Variants in TBC1D22A observed in about 807,000 individuals in gnomAD.
TBC1D22A encodes putative GTPase activator.
TBC1D22A carries 38 observed loss-of-function variants against 60.2 expected under a neutral mutation model. That is an observed-to-expected ratio of 0.63 (90% CI 0.49 to 0.83). TBC1D22A has a LOEUF of 0.83. Among genes scored for constraint, TBC1D22A ranks in the 40% least tolerant of loss-of-function variants. The probability of loss-of-function intolerance (pLI) is 0.00; values close to 1 mark genes in which losing one functional copy is unlikely to be tolerated. For synonymous variants in TBC1D22A, 302 were observed against 281.7 expected, an observed-to-expected ratio of 1.07 and a Z score of -0.72; for missense variants, 628 against 701.0, an observed-to-expected ratio of 0.90 and a Z score of 1.18.
intron 4 of TBC1D22A, among the ~76,000 whole-genome samples, chr22:46,862,395 G>C (rs559276440): frequency 5.3e-5 from 8 of 152,254 alleles, no homozygotes; most frequent in African/African-American, 1.9e-4. Context: ...GTGCAGTTGG[G>C]AGTGAGATGA....
In TBC1D22A at chr22:47,009,488, TTTCATCACCATCATCAC is replaced by T. The variant is rs1331659430; in HGVS notation, c.1201+11780_1201+11796del. Reference sequence around the variant, plus strand: ...ACCATCGTCATCACTATCACCATCATTTCATCACCATCATCACCACCATCATCTTCACCATCACCATC... The same window carrying T: ...ACCATCGTCATCACTATCACCATCATCACCATCATCTTCACCATCACCATC... On this transcript the variant is annotated intron_variant, in intron 10 of 12. Transcript: ENST00000337137. This position sits in a 1 kb window ranked among gnomAD's most constrained non-coding sequence, Gnocchi z 5.8. 2.0e-5 allele frequency among the ~76,000 whole-genome samples: 3 copies of T among 150,198 alleles called. No individual in the cohort carries two copies. Among genetic ancestry groups the T allele is most frequent in the Non-Finnish European group, 3.0e-5 (2 of 67,604 alleles).
intron 10 of TBC1D22A, among the ~76,000 whole-genome samples, chr22:47,005,535 A>G (rs6009093): frequency 0.077 from 11,621 of 151,426 alleles, 1,076 homozygotes; most frequent in African/African-American, 0.22. Flanking sequence ...ACCTTCCCAT[A>G]TTCACACATA....
At chr22:47,096,697 C>T (rs953681421) in intron 11 of TBC1D22A, among the ~76,000 whole-genome samples, 2 of 152,144 alleles carry the variant, frequency 1.3e-5, no homozygotes, top group African/African-American at 2.4e-5. Context: ...TGGCGCATGC[C>T]TGTAAGCCCA....
At chr22:47,076,343 A>G (rs183364689) in intron 11 of TBC1D22A, among the ~76,000 whole-genome samples, 1,449 of 118,590 alleles carry the variant, frequency 0.012, 16 homozygotes, top group Middle Eastern at 0.022. Context: ...GTGTGTGTGT[A>G]TATATATATA....
At position 47,158,881 on chromosome 22, in the gene TBC1D22A, C is replaced by CCA. The variant is rs374655648; in HGVS notation, c.1426-14603_1426-14602dup. The stretch of plus-strand genomic sequence containing the variant: ...GGCAGGCGCAGGTCCCCTCCCCAGG[C>CCA]CACACACACACACACCACAGTTACC... On this transcript the variant is annotated intron_variant, in intron 12 of 12. Transcript: ENST00000337137. Among the ~76,000 whole-genome samples the CCA allele has an allele frequency of 1.4e-3, 209 of 151,480 alleles. 1 individual carries two copies. The highest frequency in any genetic ancestry group is 4.2e-3 in the African/African-American group (175 of 41,264).
chr22:46,771,468 C>T (rs1349809738), intron 1 of TBC1D22A, among the ~76,000 whole-genome samples: 1 of 152,094 alleles, frequency 6.6e-6, no homozygotes, highest in East Asian at 1.9e-4. Context: ...CTGAACAGTG[C>T]ACCCGAGCAG....
intron 4 of TBC1D22A, among the ~76,000 whole-genome samples, chr22:46,869,504 C>T (rs926548263): frequency 6.6e-6 from 1 of 152,168 alleles, no homozygotes; most frequent in South Asian, 2.1e-4. Flanking sequence ...TGGGTGGACT[C>T]GGTCTGGGGA....
intron 11 of TBC1D22A, among the ~76,000 whole-genome samples, chr22:47,038,340 T>G (rs1807720): frequency 0.6 from 90,692 of 152,014 alleles, 28,232 homozygotes; most frequent in Middle Eastern, 0.75. Flanking sequence ...GGACGGACGT[T>G]TCTGGAAAGG....
chr22:47,141,240 G>A (rs1404251238), intron 12 of TBC1D22A, among the ~76,000 whole-genome samples: 3 of 152,072 alleles, frequency 2.0e-5, no homozygotes, highest in Non-Finnish European at 2.9e-5. Context: ...ACCTCCTGCC[G>A]GGCCCCTCCC....
intron 7 of TBC1D22A, among the ~76,000 whole-genome samples, chr22:46,909,172 T>C (rs902969936): frequency 1.4e-4 from 22 of 152,170 alleles, no homozygotes; most frequent in East Asian, 5.8e-4. Context: ...TGAGTAGATA[T>C]AGCCTTGAGA....
chr22:47,052,080 G>T (rs570241848), intron 11 of TBC1D22A, among the ~76,000 whole-genome samples: 1 of 152,124 alleles, frequency 6.6e-6, no homozygotes, highest in South Asian at 2.1e-4. Flanking sequence ...TGGGCCTCCT[G>T]CCCCCAGCAA....
intron 9 of TBC1D22A, among the ~76,000 whole-genome samples, chr22:46,976,624 A>G (rs147296147): frequency 2.6e-5 from 4 of 151,240 alleles, no homozygotes; most frequent in Admixed American, 6.6e-5. Flanking sequence ...TCCTTTTCCT[A>G]CTCTTGGTCT....
At chr22:47,080,210 G>A (rs116250601) in intron 11 of TBC1D22A, among the ~76,000 whole-genome samples, 1,768 of 152,296 alleles carry the variant, frequency 0.012, 29 homozygotes, top group African/African-American at 0.041. Context: ...TTGATGGCAT[G>A]AAGAGACCAA....
chr22:47,039,918 C>T (rs374999332), intron 11 of TBC1D22A, among the ~76,000 whole-genome samples: 1 of 116,512 alleles, frequency 8.6e-6, no homozygotes, highest in East Asian at 2.3e-4. Context: ...AGCAAGGCGT[C>T]GGGGAGGTGC....
intron 12 of TBC1D22A, among the ~76,000 whole-genome samples, chr22:47,153,376 C>CAG (rs145511465): frequency 0.056 from 8,519 of 152,108 alleles, 796 homozygotes; most frequent in African/African-American, 0.19. Context: ...TTCCTAAAGA[C>CAG]GGGGAGGGTG....
intron 11 of TBC1D22A, among the ~76,000 whole-genome samples, chr22:47,095,011 A>G (rs914065474): frequency 1.4e-4 from 22 of 152,268 alleles, no homozygotes; most frequent in Non-Finnish European, 2.9e-5. Flanking sequence ...GGGTAGCAAC[A>G]GGCTCATTTA....
chr22:46,792,003 C>T (rs1015534121), intron 1 of TBC1D22A, among the ~76,000 whole-genome samples: 8 of 152,216 alleles, frequency 5.3e-5, no homozygotes, highest in African/African-American at 1.9e-4. Context: ...TCAGGTGATC[C>T]GCCCGCCTTG....
At chr22:47,135,155 C>G (rs1006618673) in intron 12 of TBC1D22A, among the ~76,000 whole-genome samples, 6 of 152,186 alleles carry the variant, frequency 3.9e-5, no homozygotes, top group Non-Finnish European at 7.3e-5. Flanking sequence ...TCTTCCCTGA[C>G]AAGAGTGGTG....
intron 11 of TBC1D22A, among the ~76,000 whole-genome samples, chr22:47,069,639 TTGGA>T: frequency 6.8e-6 from 1 of 146,346 alleles, no homozygotes. Context: ...TGTTCCCTGT[TTGGA>T]TGGAGTGGAG....
Sources: gnomAD v4.1 joint callset for allele counts (sites outside exome capture counted in the v4.1 genomes callset) on GRCh38, gnomAD v4.1.1 for gene constraint, Gnocchi (gnomAD v3.1) non-coding constraint, MANE v1.5 for transcripts, NCBI Gene and HGNC (gene_info 2026-07-23, HGNC 2026-07-21) for gene names.